SYT2: variants seen among roughly 807,000 people sequenced by gnomAD.
The protein encoded by SYT2 is synaptotagmin 2, also known as synaptotagmin-2.
In SYT2, 15 loss-of-function variants were observed where a neutral mutation model predicts 39.9. The observed-to-expected ratio is 0.38, with a 90% CI of 0.25 to 0.58. SYT2 has a LOEUF of 0.58. SYT2 is among the 20% of genes least tolerant of loss of function. The pLI, the probability that SYT2 is intolerant of heterozygous loss-of-function variation, is 0.70. For missense variants in SYT2, 389 were observed against 530.3 expected (o/e 0.73, Z 2.62); for synonymous variants, 181 against 204.5 (o/e 0.89, Z 0.98).
In SYT2 at chr1:202,640,132, G is replaced by A. The variant is rs79829068; in HGVS notation, c.-17-34343C>T. Among the ~76,000 whole-genome samples, 87 of 152,272 alleles carry A rather than the reference G, an allele frequency of 5.7e-4. 1 individual carries two copies. The East Asian group carries it at 0.014, about 25-fold the overall frequency. On this transcript the variant is annotated intron_variant, in intron 1 of 8. Coordinates refer to ENST00000367268, the MANE Select transcript of SYT2 (RefSeq NM_177402.5). ...AAAGCCTTTGCTCTTAACCATCAGCGCTCTTACTGAGAAGGGGAGGTCATC... is the reference window on the plus strand; with the variant it reads ...AAAGCCTTTGCTCTTAACCATCAGCACTCTTACTGAGAAGGGGAGGTCATC...
At chr1:202,620,974 C>T (rs955836982) in intron 1 of SYT2, among the ~76,000 whole-genome samples, 4 of 152,024 alleles carry the variant, frequency 2.6e-5, no homozygotes, top group African/African-American at 4.8e-5. Flanking sequence ...GTGGAAGAAT[C>T]GGTGTGCAGG....
At chr1:202,683,570 C>G (rs192595799) in intron 1 of SYT2, among the ~76,000 whole-genome samples, 71 of 152,064 alleles carry the variant, frequency 4.7e-4, no homozygotes, top group Admixed American at 7.2e-4. Context: ...AAGACCCCAT[C>G]TCTACAAAAA....
At chr1:202,606,709 C>T (rs1466854565) in intron 1 of SYT2, among the ~76,000 whole-genome samples, 1 of 152,106 alleles carries the variant, frequency 6.6e-6, no homozygotes, top group Non-Finnish European at 1.5e-5. Context: ...GTAGATTAGC[C>T]TTCCCGCATC....
intron 1 of SYT2, among the ~76,000 whole-genome samples, chr1:202,684,153 A>G (rs1653598852): frequency 6.6e-6 from 1 of 152,170 alleles, no homozygotes; most frequent in South Asian, 2.1e-4. Context: ...AGATTAGCCT[A>G]CCTGTCCCCT....
intron 1 of SYT2, among the ~76,000 whole-genome samples, chr1:202,624,476 GGT>G (rs1448811201): frequency 6.7e-6 from 1 of 149,468 alleles, no homozygotes; most frequent in East Asian, 2.0e-4. Context: ...TGTGTAGTGA[GGT>G]GTGTGTGGTG....
At chr1:202,655,145 A>G (rs1208787551) in intron 1 of SYT2, among the ~76,000 whole-genome samples, 1 of 152,174 alleles carries the variant, frequency 6.6e-6, no homozygotes, top group East Asian at 1.9e-4. Context: ...GTCGCTGAAC[A>G]TGCAGATAGG....
chr1:202,602,800 G>T (rs1690555815), intron 4 of SYT2, among the ~76,000 whole-genome samples, 199 bp downstream of exon 4: 1 of 152,132 alleles, frequency 6.6e-6, no homozygotes, highest in African/African-American at 2.4e-5. Context: ...TAATCAACTT[G>T]GAACCTTCCC....
chr1:202,708,469 G>A (rs114570641), intron 1 of SYT2, among the ~76,000 whole-genome samples: 1 of 152,030 alleles, frequency 6.6e-6, no homozygotes, highest in Non-Finnish European at 1.5e-5. Context: ...AGCCTCTGGG[G>A]GGAGTCCTAG....
intron 1 of SYT2, among the ~76,000 whole-genome samples, chr1:202,688,471 C>T (rs540836229): frequency 3.3e-5 from 5 of 152,328 alleles, no homozygotes; most frequent in African/African-American, 4.8e-5. Context: ...TACTCCGATT[C>T]GGTCCCCTGG....
At chr1:202,705,715 G>T (rs1292319214) in intron 1 of SYT2, among the ~76,000 whole-genome samples, 1 of 145,434 alleles carries the variant, frequency 6.9e-6, no homozygotes, top group Non-Finnish European at 1.5e-5. Flanking sequence ...CTTGGATTTT[G>T]GGAGTCCTTT....
intron 1 of SYT2, among the ~76,000 whole-genome samples, chr1:202,689,731 C>G (rs1271922429): frequency 1.3e-5 from 2 of 152,066 alleles, no homozygotes; most frequent in Non-Finnish European, 2.9e-5. Context: ...TCTCAGACAT[C>G]CCAGGGCTGC....
intron 1 of SYT2, among the ~76,000 whole-genome samples, chr1:202,677,371 C>A (rs1653402623): frequency 6.6e-6 from 1 of 152,130 alleles, no homozygotes; most frequent in Non-Finnish European, 1.5e-5. Context: ...CGCTACATGA[C>A]TAAGGCTAGG....
intron 1 of SYT2, among the ~76,000 whole-genome samples, chr1:202,650,091 G>T (rs1186609657): frequency 6.6e-6 from 1 of 152,250 alleles, no homozygotes; most frequent in African/African-American, 2.4e-5. Flanking sequence ...CAGATGTTTG[G>T]CAGAGGGCCC....
chr1:202,706,729 C>T (rs1273457028), intron 1 of SYT2, among the ~76,000 whole-genome samples: 1 of 152,162 alleles, frequency 6.6e-6, no homozygotes, highest in African/African-American at 2.4e-5. Flanking sequence ...ATAACTGAAT[C>T]CCAGCTTCTC....
At chr1:202,647,419 G>C (rs16850184) in intron 1 of SYT2, among the ~76,000 whole-genome samples, 39,629 of 151,886 alleles carry the variant, frequency 0.26, 5,898 homozygotes, top group African/African-American at 0.4. Flanking sequence ...CTCTCTGAGC[G>C]ATCTAGGCCT....
At chr1:202,644,457 A>C (rs1311597549) in intron 1 of SYT2, among the ~76,000 whole-genome samples, 1 of 152,044 alleles carries the variant, frequency 6.6e-6, no homozygotes, top group Non-Finnish European at 1.5e-5. Context: ...CCTCACCCTC[A>C]ACCCCCAACC....
At chr1:202,603,161 G>C in intron 3 of SYT2, 43 bp from the exon 4 acceptor site, 1 of 1,611,332 alleles carries the variant, frequency 6.2e-7, no homozygotes, top group Admixed American at 1.7e-5. Flanking sequence ...AAAAGGGGAG[G>C]ACCGAGAAGT....
At chr1:202,661,039 G>A (rs1692368409) in intron 1 of SYT2, among the ~76,000 whole-genome samples, 1 of 152,096 alleles carries the variant, frequency 6.6e-6, no homozygotes, top group African/African-American at 2.4e-5. Flanking sequence ...CTCCACTCCA[G>A]ACATGGCTCC....
intron 1 of SYT2, chr1:202,643,512 C>CTATTGAT (rs1691994067): frequency 6.6e-6 from 1 of 152,554 alleles, no homozygotes; most frequent in Non-Finnish European, 1.5e-5. Flanking sequence ...CCCCGCCCGC[C>CTATTGAT]TATTGATATG....
Sources: allele counts gnomAD v4.1 joint callset (sites outside exome capture counted in the v4.1 genomes callset), GRCh38; gene constraint gnomAD v4.1.1; transcripts MANE v1.5; gene names NCBI Gene and HGNC (gene_info 2026-07-23, HGNC 2026-07-21).